Variants in IQSEC1 observed in about 807,000 individuals in gnomAD.
The protein encoded by IQSEC1 is IQ motif and SEC7 domain-containing protein 1.
Under a neutral mutation model 91.0 loss-of-function variants are expected in IQSEC1, and 31 were observed. The observed-to-expected ratio is 0.34, with a 90% CI of 0.26 to 0.46. The LOEUF is 0.46. Ranked by LOEUF, IQSEC1 falls within the 20% of genes least tolerant of loss-of-function variation. The probability of loss-of-function intolerance (pLI) is 1.00; values close to 1 mark genes in which losing one functional copy is unlikely to be tolerated. For missense variants in IQSEC1, 1,388 were observed against 1,575.6 expected, an observed-to-expected ratio of 0.88 and a Z score of 2.02; for synonymous variants, 699 against 662.6, an observed-to-expected ratio of 1.05 and a Z score of -0.84.
intron 1 of IQSEC1, among the ~76,000 whole-genome samples, chr3:13,042,937 G>C (rs1008891293): frequency 6.6e-6 from 1 of 152,134 alleles, no homozygotes; most frequent in Non-Finnish European, 1.5e-5. Flanking sequence ...ACGTTTGGCG[G>C]AATCCCTGTT....
chr3:12,948,699 C>T (rs1324466081), intron 1 of IQSEC1, among the ~76,000 whole-genome samples: 1 of 152,186 alleles, frequency 6.6e-6, no homozygotes, highest in Non-Finnish European at 1.5e-5. Flanking sequence ...CACTGTTCAC[C>T]CCCAATATCG....
intron 1 of IQSEC1, among the ~76,000 whole-genome samples, chr3:13,209,625 G>A (rs536069070): frequency 2.0e-4 from 31 of 152,168 alleles, no homozygotes; most frequent in Admixed American, 1.8e-3. Flanking sequence ...CCCTGCCTCC[G>A]TGCCCTCTCG....
chr3:12,903,033 T>C (rs1340023952), intron 12 of IQSEC1, among the ~76,000 whole-genome samples: 2 of 152,012 alleles, frequency 1.3e-5, no homozygotes, highest in Non-Finnish European at 2.9e-5. Flanking sequence ...ATTTTAAAAA[T>C]AAAGTTTTCG....
At chr3:13,047,272 C>A (rs934988888) in intron 1 of IQSEC1, among the ~76,000 whole-genome samples, 5 of 152,162 alleles carry the variant, frequency 3.3e-5, no homozygotes, top group East Asian at 3.9e-4. Context: ...TTTGGGGGGA[C>A]CTTGATTTGA....
chr3:12,968,929 G>C (rs1459273867), intron 1 of IQSEC1, among the ~76,000 whole-genome samples: 2 of 152,216 alleles, frequency 1.3e-5, no homozygotes, highest in Non-Finnish European at 2.9e-5. Context: ...GGCCCAGCTT[G>C]CAGCAGAGGA....
At chr3:12,954,630 C>A (rs1699781891) in intron 1 of IQSEC1, among the ~76,000 whole-genome samples, 1 of 152,222 alleles carries the variant, frequency 6.6e-6, no homozygotes, top group African/African-American at 2.4e-5. Flanking sequence ...ATCTTTTATC[C>A]TGCTTTTTTA....
At position 13,211,830 on chromosome 3, in the gene IQSEC1, C is replaced by T. The variant is rs902951839; in HGVS notation, c.273-47697G>A. Among the ~76,000 whole-genome samples, 21 of 152,356 alleles carry T rather than the reference C, an allele frequency of 1.4e-4. No homozygotes were observed. The Middle Eastern group carries it at 0.01, about 74-fold the overall frequency. On this transcript the variant is annotated intron_variant, in intron 1 of 15. Coordinates refer to the IQSEC1 transcript ENST00000648114. The surrounding 1 kb of genome is among the most constrained non-coding windows in gnomAD (Gnocchi z 5.3). ...TAAAAGCCCACGGCAAATGCCGCAC[C>T]CTCCATGCAGCCCTCGCCCACCCTC...
Position 12,909,417 on chromosome 3 carries a change from G to A in IQSEC1, c.2434C>T (p.Arg812Trp), listed in dbSNP as rs1695345942. ...FENQYYPNGIRLTSSVPGADI... is the reference protein window; with the variant it reads ...FENQYYPNGIWLTSSVPGADI... Reference sequence around the variant, plus strand: ...GCTCCGGGGACAGACGAGGTGAGCCGGATGCCATTGGGGTAGTCTGCAAAA... The same window carrying A: ...GCTCCGGGGACAGACGAGGTGAGCCAGATGCCATTGGGGTAGTCTGCAAAA... Residue 812 changes from arginine to tryptophan, a missense_variant, in exon 11 of 14, where the codon CGG (arginine) becomes TGG (tryptophan). Physicochemically the swap from Arg to Trp is moderately radical, Grantham distance 101. Coordinates refer to ENST00000613206, the MANE Select transcript of IQSEC1 (RefSeq NM_001134382.3). This position sits in a 1 kb window ranked among gnomAD's most constrained non-coding sequence, Gnocchi z 4.9. The A allele has an allele frequency of 1.9e-6, 3 of 1,613,868 alleles. No individual in the cohort carries two copies. The highest frequency in any genetic ancestry group is 1.7e-6 in the Non-Finnish European group (2 of 1,179,944).
intron 1 of IQSEC1, among the ~76,000 whole-genome samples, chr3:13,164,652 T>C (rs553209874): frequency 2.0e-5 from 3 of 152,334 alleles, no homozygotes; most frequent in South Asian, 4.1e-4. Context: ...GGAGACAACC[T>C]TGAATGTCAA....
upstream of IQSEC1, among the ~76,000 whole-genome samples, chr3:13,073,562 T>C (rs890643821): frequency 6.6e-6 from 1 of 151,104 alleles, no homozygotes. Context: ...GCCGCTCGGC[T>C]GCGCCCTCGC....
intron 1 of IQSEC1, among the ~76,000 whole-genome samples, chr3:13,250,350 C>T (rs193228858): frequency 7.9e-5 from 12 of 152,058 alleles, no homozygotes; most frequent in Admixed American, 3.9e-4. Flanking sequence ...GGTGCAATAG[C>T]CGCGGGACCA....
At chr3:13,018,759 T>C (rs557557882) in intron 1 of IQSEC1, among the ~76,000 whole-genome samples, 125 of 152,196 alleles carry the variant, frequency 8.2e-4, no homozygotes, top group African/African-American at 2.7e-3. Context: ...AGGCTGCCTG[T>C]TATACAAACA....
At chr3:13,067,904 T>C (rs1263735863) in intron 1 of IQSEC1, among the ~76,000 whole-genome samples, 1 of 152,188 alleles carries the variant, frequency 6.6e-6, no homozygotes, top group Non-Finnish European at 1.5e-5. Flanking sequence ...TGGTGCCAGG[T>C]CCTTTAGGGG....
rs1400599053 is a variant in IQSEC1 at position 13,207,514 on chromosome 3, C to G, written c.273-43381G>C. 2.0e-5 allele frequency among the ~76,000 whole-genome samples: 3 copies of G among 152,328 alleles called. No homozygotes were observed. The East Asian group carries it at 5.8e-4, about 29-fold the overall frequency. On this transcript the variant is annotated intron_variant, in intron 1 of 15. Coordinates refer to the IQSEC1 transcript ENST00000648114. The surrounding 1 kb of genome is among the most constrained non-coding windows in gnomAD (Gnocchi z 4.8). ...CTCTGGCAATGTCACCACCCACTGC[C>G]AACGTGCCAGTGGGTTCCCTTCGTA...
intron 1 of IQSEC1, among the ~76,000 whole-genome samples, chr3:12,949,722 C>G (rs532508410): frequency 6.6e-6 from 1 of 152,162 alleles, no homozygotes; most frequent in Non-Finnish European, 1.5e-5. Flanking sequence ...CACCTCTATG[C>G]CCCCGTCTCG....
chr3:12,930,856 G>A (rs909234177), intron 3 of IQSEC1, among the ~76,000 whole-genome samples: 3 of 152,126 alleles, frequency 2.0e-5, no homozygotes, highest in Non-Finnish European at 4.4e-5. Context: ...AACTGCTTGT[G>A]GGGGTGAGGA....
intron 1 of IQSEC1, among the ~76,000 whole-genome samples, chr3:13,173,090 C>G (rs952664822): frequency 6.6e-6 from 1 of 152,180 alleles, no homozygotes; most frequent in African/African-American, 2.4e-5. Context: ...GGTTTTCTCC[C>G]CTGGGAAAAG....
intron 1 of IQSEC1, among the ~76,000 whole-genome samples, chr3:12,950,955 T>G (rs1401068190): frequency 6.6e-6 from 1 of 152,110 alleles, no homozygotes; most frequent in Admixed American, 6.6e-5. Context: ...CAAAAAAATT[T>G]TTTAAATAGC....
rs375963281 is a variant in IQSEC1, at chr3:13,043,052, G to A, written c.23+29940C>T. 6.9e-3 allele frequency among the ~76,000 whole-genome samples: 1,046 copies of A among 152,282 alleles called. 11 individuals carry two copies. Among genetic ancestry groups the A allele is most frequent in the Non-Finnish European group, 7.1e-3 (480 of 68,008 alleles). On this transcript the variant is annotated intron_variant, in intron 1 of 13. Transcript: ENST00000613206. Reference sequence around the variant, plus strand: ...AGGAAGACTGACAGGGTCGCCCAGCGCCTGCCGTTGCCTGGGCGACGGGGA... The same window carrying A: ...AGGAAGACTGACAGGGTCGCCCAGCACCTGCCGTTGCCTGGGCGACGGGGA...
Sources: allele counts gnomAD v4.1 joint callset (sites outside exome capture counted in the v4.1 genomes callset), GRCh38; gene constraint gnomAD v4.1.1; non-coding constraint Gnocchi (gnomAD v3.1); transcripts MANE v1.5; gene names NCBI Gene and HGNC (gene_info 2026-07-23, HGNC 2026-07-21).